Variants in GMDS observed in about 807,000 individuals in gnomAD.
GMDS encodes GDP-mannose 4,6 dehydratase.
In GMDS, 20 loss-of-function variants were observed where a neutral mutation model predicts 49.9. The observed-to-expected ratio is 0.40, with a 90% CI of 0.28 to 0.58. GMDS has a LOEUF of 0.58. Among genes scored for constraint, GMDS ranks in the 20% least tolerant of loss-of-function variants. The pLI is 0.42. For synonymous variants in GMDS, 177 were observed against 178.6 expected (o/e 0.99, Z 0.07); for missense variants, 362 against 481.4 (o/e 0.75, Z 2.32).
At chr6:1,735,594 G>C (rs149598909) in intron 8 of GMDS, among the ~76,000 whole-genome samples, 1 of 152,116 alleles carries the variant, frequency 6.6e-6, no homozygotes, top group Non-Finnish European at 1.5e-5. Context: ...TTCCACCCTC[G>C]CTCATCAGCT....
chr6:1,624,702 G>C, intron 9 of GMDS, 162 bp from the exon 10 acceptor site: 1 of 616,810 alleles, frequency 1.6e-6, no homozygotes, highest in Non-Finnish European at 2.9e-6. Context: ...TGCGGCTCTC[G>C]GCGCCGTAAA....
chr6:1,998,184 A>AT (rs1235115851), intron 4 of GMDS, among the ~76,000 whole-genome samples: 9 of 152,332 alleles, frequency 5.9e-5, no homozygotes, highest in Non-Finnish European at 1.3e-4. Flanking sequence ...CATAAATGTC[A>AT]TATCCAGGAG....
intron 6 of GMDS, among the ~76,000 whole-genome samples, chr6:1,947,911 A>G (rs1166781208): frequency 6.6e-6 from 1 of 152,208 alleles, no homozygotes; most frequent in Non-Finnish European, 1.5e-5. Context: ...ACAAAGTCAT[A>G]TGTTCCTTTA....
intron 4 of GMDS, among the ~76,000 whole-genome samples, chr6:2,073,945 T>C (rs938923710): frequency 2.0e-5 from 3 of 152,198 alleles, no homozygotes; most frequent in Non-Finnish European, 4.4e-5. Flanking sequence ...CATAATTCAC[T>C]TTCCTATTGT....
At chr6:1,798,236 A>AGC (rs955188122) in intron 7 of GMDS, among the ~76,000 whole-genome samples, 6 of 97,090 alleles carry the variant, frequency 6.2e-5, no homozygotes, top group South Asian at 4.0e-4. Context: ...CTAATTACAG[A>AGC]GCACACACAC....
chr6:2,049,409 G>GT (rs1562005724), intron 4 of GMDS, among the ~76,000 whole-genome samples: 3 of 152,130 alleles, frequency 2.0e-5, no homozygotes, highest in African/African-American at 7.2e-5. Flanking sequence ...CTCATTTGCT[G>GT]TATCAGAAAG....
chr6:1,655,184 C>A (rs1763832993), intron 9 of GMDS, among the ~76,000 whole-genome samples: 1 of 151,606 alleles, frequency 6.6e-6, no homozygotes, highest in Non-Finnish European at 1.5e-5. Context: ...TCAAAAAAGA[C>A]AAAAAGTGTC....
intron 7 of GMDS, among the ~76,000 whole-genome samples, chr6:1,819,419 A>G (rs1254583730): frequency 6.6e-6 from 1 of 152,164 alleles, no homozygotes; most frequent in Non-Finnish European, 1.5e-5. Flanking sequence ...GAAAAGTCAC[A>G]TGGAAAAGCT....
chr6:1,891,717 T>C (rs1759879168), intron 7 of GMDS, among the ~76,000 whole-genome samples: 1 of 152,036 alleles, frequency 6.6e-6, no homozygotes, highest in Non-Finnish European at 1.5e-5. Flanking sequence ...AAATGCACAT[T>C]CGTGGGTCCC....
chr6:1,950,773 T>C (rs1295783750), intron 6 of GMDS, among the ~76,000 whole-genome samples: 4 of 152,176 alleles, frequency 2.6e-5, no homozygotes, highest in Non-Finnish European at 4.4e-5. Context: ...TCACACAGAT[T>C]CTGCAAGCAC....
At chr6:2,015,003 A>G (rs1390176012) in intron 4 of GMDS, among the ~76,000 whole-genome samples, 1 of 152,170 alleles carries the variant, frequency 6.6e-6, no homozygotes, top group East Asian at 1.9e-4. Context: ...CATTTCTCCA[A>G]GAAAACATAA....
rs1484713952 is a variant in GMDS, at chr6:1,640,162, G to A, written c.988-15622C>T. ...ATGTACCAGTCCATGGCACCAGCTCGGCAGCACTGTTGCCCAAGGCTCCCC... is the reference window on the plus strand; with the variant it reads ...ATGTACCAGTCCATGGCACCAGCTCAGCAGCACTGTTGCCCAAGGCTCCCC... On this transcript the variant is annotated intron_variant, in intron 9 of 10. Transcript: ENST00000380815. The surrounding 1 kb of genome is among the most constrained non-coding windows in gnomAD (Gnocchi z 4.0). Among the ~76,000 whole-genome samples, 4 of 152,122 alleles carry A rather than the reference G, an allele frequency of 2.6e-5. No homozygotes were observed. The highest frequency in any genetic ancestry group is 5.9e-5 in the Non-Finnish European group (4 of 68,028).
intron 7 of GMDS, among the ~76,000 whole-genome samples, chr6:1,908,640 C>G (rs1332652318): frequency 1.3e-5 from 2 of 152,202 alleles, no homozygotes; most frequent in Non-Finnish European, 2.9e-5. Context: ...GACTTCTTAT[C>G]ATTCCTCTGA....
chr6:1,716,513 G>A (rs1448227110), intron 9 of GMDS, among the ~76,000 whole-genome samples: 1 of 152,216 alleles, frequency 6.6e-6, no homozygotes, highest in Non-Finnish European at 1.5e-5. Context: ...AAAATAGGAG[G>A]TACAAATAAG....
chr6:1,750,914 G>A (rs1026081112), intron 7 of GMDS, among the ~76,000 whole-genome samples: 21 of 152,148 alleles, frequency 1.4e-4, no homozygotes, highest in Admixed American at 9.8e-4. Context: ...ACTGAGGCTT[G>A]AGTAGGTGGT....
intron 1 of GMDS, among the ~76,000 whole-genome samples, chr6:2,174,391 G>A (rs1332772550): frequency 6.6e-6 from 1 of 151,960 alleles, no homozygotes; most frequent in Non-Finnish European, 1.5e-5. Flanking sequence ...TTTTTTAATG[G>A]GTGAATTTCA....
chr6:1,682,155 CTA>C (rs1764811778), intron 9 of GMDS, among the ~76,000 whole-genome samples: 2 of 152,080 alleles, frequency 1.3e-5, no homozygotes, highest in South Asian at 4.1e-4. Flanking sequence ...TGTTAAATAC[CTA>C]TGTTTTACCT....
intron 1 of GMDS, among the ~76,000 whole-genome samples, chr6:2,225,355 A>G (rs1038609705): frequency 6.6e-6 from 1 of 152,074 alleles, no homozygotes; most frequent in Non-Finnish European, 1.5e-5. Flanking sequence ...AAACAAATAA[A>G]TAAGCCTTTA....
At chr6:2,034,999 T>G (rs966893299) in intron 4 of GMDS, among the ~76,000 whole-genome samples, 3 of 152,154 alleles carry the variant, frequency 2.0e-5, no homozygotes, top group African/African-American at 4.8e-5. Flanking sequence ...CCTATGGAAC[T>G]GCTACACCAT....
Sources: allele counts gnomAD v4.1 joint callset (sites outside exome capture counted in the v4.1 genomes callset), GRCh38; gene constraint gnomAD v4.1.1; non-coding constraint Gnocchi (gnomAD v3.1); transcripts MANE v1.5; gene names NCBI Gene and HGNC (gene_info 2026-07-23, HGNC 2026-07-21).